The following CENPU variants were observed in gnomAD, a reference collection of about 807,000 sequenced individuals.
CENPU encodes the protein KSHV latent nuclear antigen interacting protein 1.
A neutral mutation model predicts 56.7 loss-of-function variants in CENPU; 46 were observed. The observed-to-expected ratio is 0.81, with a 90% CI of 0.64 to 1.04. The LOEUF is 1.04. CENPU is among the 50% of genes least tolerant of loss of function. The pLI is 0.00. For missense variants in CENPU, 510 were observed against 490.1 expected (o/e 1.04, Z -0.38); for synonymous variants, 166 against 163.0 (o/e 1.02, Z -0.14).
chr4:184,726,230 A>T (rs1761446718), intron 3 of CENPU, among the ~76,000 whole-genome samples: 1 of 152,250 alleles, frequency 6.6e-6, no homozygotes, highest in African/African-American at 2.4e-5. Context: ...ACGTCCACAG[A>T]TAACCACTCA....
chr4:184,725,820 A>G (rs775681984), intron 3 of CENPU, among the ~76,000 whole-genome samples: 1 of 152,200 alleles, frequency 6.6e-6, no homozygotes, highest in African/African-American at 2.4e-5. Context: ...AAAGAGAAGG[A>G]GAGCAAATGA....
intron 4 of CENPU, among the ~76,000 whole-genome samples, chr4:184,717,800 A>G (rs28726376): frequency 0.18 from 27,097 of 152,126 alleles, 2,717 homozygotes; most frequent in African/African-American, 0.26. Context: ...GTGGAGACAC[A>G]GCTGGGGTAT....
rs1379694675 is a variant in CENPU at position 184,734,052 on chromosome 4, C to T, written c.11G>A (p.Arg4Gln). The T allele has an allele frequency of 2.6e-6, 4 of 1,568,298 alleles. No homozygotes were observed. Among genetic ancestry groups the T allele is most frequent in the Admixed American group, 3.8e-5 (2 of 53,058 alleles). Residue 4 changes from arginine (R) to glutamine (Q), a missense_variant, in exon 1 of 13, where the codon CGG becomes CAG. Physicochemically the swap from Arg to Gln is conservative, Grantham distance 43. Transcript: ENST00000281453. Reference protein sequence around the residue: MAPRGRRRPRPHRS... With the variant: MAPQGRRRPRPHRS... ...GTGAGGCCGCGGCCGCCGCCGCCCC[C>T]GCGGGGCCATGGTGCCGCTCTCCGC...
intron 10 of CENPU, among the ~76,000 whole-genome samples, chr4:184,701,502 C>G (rs1356588046): frequency 6.6e-6 from 1 of 152,156 alleles, no homozygotes; most frequent in East Asian, 1.9e-4. Flanking sequence ...CTCTGATGCT[C>G]AGAGGTCATT....
intron 4 of CENPU, among the ~76,000 whole-genome samples, chr4:184,722,621 G>A (rs1401362): frequency 0.18 from 26,973 of 149,858 alleles, 2,710 homozygotes; most frequent in African/African-American, 0.27. Context: ...AAATAAAACT[G>A]AACATTTTCT....
chr4:184,712,572 T>G (rs781762265), intron 7 of CENPU, among the ~76,000 whole-genome samples: 1 of 152,238 alleles, frequency 6.6e-6, no homozygotes, highest in African/African-American at 2.4e-5. Flanking sequence ...CAGTTAATCA[T>G]GTGCATACTT....
chr4:184,724,934 A>G (rs759283217), intron 4 of CENPU, 23 bp downstream of exon 4: 11 of 1,433,032 alleles, frequency 7.7e-6, no homozygotes, highest in Non-Finnish European at 9.7e-6. Context: ...ATGAATAAAC[A>G]ATTGCTTGAA....
At chr4:184,708,795 C>T (rs1290697361) in intron 8 of CENPU, among the ~76,000 whole-genome samples, 2 of 152,010 alleles carry the variant, frequency 1.3e-5, no homozygotes, top group African/African-American at 4.8e-5. Context: ...GGATGAAATG[C>T]TTAAATATGA....
chr4:184,730,851 G>T, intron 2 of CENPU, 69 bp downstream of exon 2: 1 of 1,232,180 alleles, frequency 8.1e-7, no homozygotes, highest in Non-Finnish European at 1.1e-6. Flanking sequence ...CTACAAAACT[G>T]AGGTACCCAA....
At chr4:184,732,370 C>T (rs906468188) in intron 1 of CENPU, among the ~76,000 whole-genome samples, 5 of 152,134 alleles carry the variant, frequency 3.3e-5, no homozygotes, top group Non-Finnish European at 7.4e-5. Flanking sequence ...CTGATTCAGT[C>T]CCTCTGGGGT....
intron 5 of CENPU, 151 bp downstream of exon 5, chr4:184,716,985 A>G: frequency 1.6e-6 from 1 of 629,038 alleles, no homozygotes; most frequent in Non-Finnish European, 2.7e-6. Flanking sequence ...TCCTAAAAAT[A>G]GAACTTTATG....
At chr4:184,699,463 G>T in intron 11 of CENPU, 1 of 714,906 alleles carries the variant, frequency 1.4e-6, no homozygotes, top group Non-Finnish European at 2.1e-6. Context: ...TGATGAGTTA[G>T]CATAGGAAGC....
intron 1 of CENPU, 64 bp from the exon 2 acceptor site, chr4:184,731,032 G>C: frequency 8.6e-7 from 1 of 1,168,838 alleles, no homozygotes; most frequent in Non-Finnish European, 1.2e-6. Context: ...AAACACCATA[G>C]TTATGACCCT....
rs138222381 is a variant in CENPU, at chr4:184,719,094, A to G, written c.321-1898T>C. On this transcript the variant is annotated intron_variant, in intron 4 of 12. Coordinates refer to ENST00000281453, the MANE Select transcript of CENPU (RefSeq NM_024629.4). ...AAAAACAGGAGAGGAAACAGCCAGGAGCAAGATGGCTGAACAGAGGGCTCC... is the reference window on the plus strand; with the variant it reads ...AAAAACAGGAGAGGAAACAGCCAGGGGCAAGATGGCTGAACAGAGGGCTCC... Among the ~76,000 whole-genome samples the G allele has an allele frequency of 1.6e-3, 248 of 152,290 alleles. 1 individual carries two copies. The highest frequency in any genetic ancestry group is 5.8e-3 in the African/African-American group (241 of 41,566).
At chr4:184,722,581 G>A (rs1761316271) in intron 4 of CENPU, among the ~76,000 whole-genome samples, 1 of 151,594 alleles carries the variant, frequency 6.6e-6, no homozygotes, top group Non-Finnish European at 1.5e-5. Flanking sequence ...ATCCCTAAAT[G>A]CTAAAAGTGA....
Position 184,734,057 on chromosome 4 carries a change from G to A in CENPU, c.6C>T (p.Ala2=), listed in dbSNP as rs761295932. The A allele has an allele frequency of 1.7e-5, 27 of 1,563,092 alleles. No individual in the cohort carries two copies. The highest frequency in any genetic ancestry group is 2.7e-5 in the African/African-American group (2 of 73,800). The stretch of plus-strand genomic sequence containing the variant: ...GCCGCGGCCGCCGCCGCCCCCGCGG[G>A]GCCATGGTGCCGCTCTCCGCTCTCG... The part of the protein sequence containing the change: M[A]PRGRRRPRPH... The change falls in exon 1 of 13, where the codon GCC becomes GCT. Residue 2 remains alanine, a synonymous_variant. Coordinates refer to ENST00000281453, the MANE Select transcript of CENPU (RefSeq NM_024629.4).
rs920885174 is a variant in CENPU, at chr4:184,710,488, G to A, written c.689-308C>T. 2.4e-5 allele frequency: 5 copies of A among 204,810 alleles called. No homozygotes were observed. In the East Asian group the frequency reaches 5.5e-4, roughly 23 times the overall value. 12.7% of individuals were successfully genotyped at this position (204,810 alleles called of 1,614,324 possible). A position where few individuals can be genotyped will look rare whatever the true frequency, so the allele number is the denominator to read the frequency against. ...TATTGTGCTGTTATTTAACATTACT[G>A]GGGATAAGCTCTTCATTGTTAGCTG... On this transcript the variant is annotated intron_variant, in intron 7 of 12. Transcript: ENST00000281453.
intron 8 of CENPU, among the ~76,000 whole-genome samples, chr4:184,706,538 T>G (rs1156309060): frequency 2.0e-5 from 3 of 152,244 alleles, no homozygotes; most frequent in Non-Finnish European, 1.5e-5. Context: ...TAAGAGTTTG[T>G]AATGTTGCAT....
In CENPU at chr4:184,694,329, C is replaced by T; in HGVS notation, c.*959G>A. Reference sequence around the variant, plus strand: ...ATTTGGAGTTTCAAGTGTGTCTGAGCTTCAGTGCAGCAACGTTTGAATCAG... The same window carrying T: ...ATTTGGAGTTTCAAGTGTGTCTGAGTTTCAGTGCAGCAACGTTTGAATCAG... On this transcript the variant is annotated 3_prime_UTR_variant, in exon 13 of 13. Transcript: ENST00000281453. 2 of 1,353,454 alleles carry T rather than the reference C, an allele frequency of 1.5e-6. No homozygotes were observed. The highest frequency in any genetic ancestry group is 1.9e-6 in the Non-Finnish European group (2 of 1,052,282). 83.8% of individuals were successfully genotyped at this position (1,353,454 alleles called of 1,614,324 possible).
Sources: gnomAD v4.1 joint callset for allele counts (sites outside exome capture counted in the v4.1 genomes callset) on GRCh38, gnomAD v4.1.1 for gene constraint, MANE v1.5 for transcripts, NCBI Gene and HGNC (gene_info 2026-07-23, HGNC 2026-07-21) for gene names.